The following SPATA20 variants were observed in gnomAD, a reference collection of about 807,000 sequenced individuals.
The protein encoded by SPATA20 is spermatogenesis associated 20, also known as spermatogenesis-associated protein 20.
In SPATA20, 74 loss-of-function variants were observed where a neutral mutation model predicts 98.9. The ratio of observed to expected loss-of-function variants is 0.75; its 90% confidence interval spans 0.62 to 0.91. The LOEUF (loss-of-function observed/expected upper bound fraction) is 0.91, where lower values mean the gene tolerates loss of function less well. SPATA20 is among the 40% of genes least tolerant of loss of function. The probability of loss-of-function intolerance (pLI) is 0.00; values close to 1 mark genes in which losing one functional copy is unlikely to be tolerated. For synonymous variants in SPATA20, 430 were observed against 440.5 expected, an observed-to-expected ratio of 0.98 and a Z score of 0.30; for missense variants, 1,016 against 1,069.8, an observed-to-expected ratio of 0.95 and a Z score of 0.70.
chr17:50,553,623 C>T (rs1004605106), intron 14 of SPATA20, among the ~76,000 whole-genome samples: 12 of 151,236 alleles, frequency 7.9e-5, no homozygotes, highest in Non-Finnish European at 1.3e-4. Flanking sequence ...AGGTGATCCT[C>T]CCGCCTCGGC....
In SPATA20 at chr17:50,551,609, A is replaced by T; in HGVS notation, c.1675A>T (p.Met559Leu). The stretch of plus-strand genomic sequence containing the variant: ...TGGTGCCAAGTTCCTGAAGCGGCAC[A>T]TGTTTGATGTGGCCAGTGGCCGCCT... ...TNGAKFLKRHMFDVASGRLMR... is the reference protein window; with the variant it reads ...TNGAKFLKRHLFDVASGRLMR... The change falls in exon 13 of 17, where the codon ATG becomes TTG. Residue 559 changes from methionine (M) to leucine (L), a missense_variant. Met to Leu is a conservative substitution (Grantham distance 15, BLOSUM62 2). Transcript: ENST00000006658. 6.2e-7 allele frequency: 1 copy of T among 1,607,102 alleles called. No homozygotes were observed. Among genetic ancestry groups the T allele is most frequent in the Non-Finnish European group, 8.5e-7 (1 of 1,174,492 alleles).
intron 14 of SPATA20, among the ~76,000 whole-genome samples, chr17:50,553,673 C>T (rs993072012): frequency 2.0e-5 from 3 of 151,930 alleles, no homozygotes; most frequent in African/African-American, 7.3e-5. Flanking sequence ...CCACCATGCC[C>T]GGCTGGCAAG....
In SPATA20 at chr17:50,555,290, A is replaced by ACT; in HGVS notation, c.2219_2220dup (p.Val741LeufsTer9). 6.2e-7 allele frequency: 1 copy of ACT among 1,613,712 alleles called. No individual in the cohort carries two copies. The highest frequency in any genetic ancestry group is 8.5e-7 in the Non-Finnish European group (1 of 1,179,874). ...ACCAAGGCCCTGGTGCAGTGCGTCC[A>ACT]CTCTGTCTACATTCCTAACAAGGTA... On this transcript the variant is annotated frameshift_variant, in exon 16 of 17. Coordinates refer to ENST00000006658, the MANE Select transcript of SPATA20 (RefSeq NM_022827.4). LOFTEE classifies it high-confidence loss of function.
intron 1 of SPATA20, 101 bp from the exon 2 acceptor site, chr17:50,547,619 G>A (rs1304152777): frequency 6.6e-6 from 5 of 761,502 alleles, no homozygotes; most frequent in East Asian, 2.5e-5. Context: ...AGTACCCTGT[G>A]CCCTGTCACA....
intron 15 of SPATA20, 62 bp downstream of exon 15, chr17:50,554,512 C>T (rs1008435639): frequency 1.3e-6 from 2 of 1,523,562 alleles, no homozygotes; most frequent in South Asian, 1.1e-5. Flanking sequence ...GCTGCGATGG[C>T]AGATGGGAAC....
At chr17:50,549,243 C>T in intron 6 of SPATA20, 43 bp from the exon 7 acceptor site, 1 of 1,599,912 alleles carries the variant, frequency 6.3e-7, no homozygotes, top group South Asian at 1.1e-5. Context: ...AACAAGAGCC[C>T]CTCCCCCTAG....
rs774992721 is a variant in SPATA20, at chr17:50,549,277, C to T, written c.661-9C>T. The stretch of plus-strand genomic sequence containing the variant: ...AGCTGACCTCCAGGTGTGCCCCCAC[C>T]TCCCGCAGTGGAAACAGAACAAGAA... On this transcript the variant is annotated splice_polypyrimidine_tract_variant and intron_variant, in intron 6 of 16. Coordinates refer to ENST00000006658, the MANE Select transcript of SPATA20 (RefSeq NM_022827.4). 1.2e-6 allele frequency: 2 copies of T among 1,608,062 alleles called. No individual in the cohort carries two copies. Among genetic ancestry groups the T allele is most frequent in the Non-Finnish European group, 1.7e-6 (2 of 1,176,090 alleles).
chr17:50,547,186 C>T lies in SPATA20; in HGVS notation c.-23C>T. 7.1e-7 allele frequency: 1 copy of T among 1,416,092 alleles called. No homozygotes were observed. The highest frequency in any genetic ancestry group is 9.1e-7 in the Non-Finnish European group (1 of 1,093,620). The allele number at this position is 1,416,092 out of a possible 1,614,324, so 87.7% of individuals were successfully genotyped here. ...GACTTCCCTTCCTGTCCTCAGCGGC[C>T]GGGCCCACGGCCCCGAGCAGCCATG... On this transcript the variant is annotated 5_prime_UTR_variant, in exon 1 of 17. Transcript: ENST00000006658.
chr17:50,550,854 C>T lies in SPATA20; in HGVS notation c.1320C>T (p.Thr440=), dbSNP rs1261283486. 14 of 1,613,108 alleles carry T rather than the reference C, an allele frequency of 8.7e-6. No homozygotes were observed. Among genetic ancestry groups the T allele is most frequent in the African/African-American group, 4.0e-5 (3 of 75,080 alleles). ...TGTTGGGTGCCACCGAGCCGCTGAC[C>T]TCAGGCCAGCTCCTCATGAAGCACT... is the stretch of plus-strand genomic sequence containing the variant. ...EPVLGATEPL[T]SGQLLMKHYG... Residue 440 remains threonine (T), a synonymous_variant, in exon 11 of 17, where the codon ACC becomes ACT. Coordinates refer to ENST00000006658, the MANE Select transcript of SPATA20 (RefSeq NM_022827.4).
At position 50,548,275 on chromosome 17, in the gene SPATA20, C is replaced by G; in HGVS notation, c.126-8C>G. 3 of 1,612,408 alleles carry G rather than the reference C, an allele frequency of 1.9e-6. No individual in the cohort carries two copies. Among genetic ancestry groups the G allele is most frequent in the Non-Finnish European group, 2.5e-6 (3 of 1,179,466 alleles). Reference sequence around the variant, plus strand: ...CCCTGGCTTGCCTGATGCACCAGTCCTCGCCAGGGGTAGCTCCTCCCGGGA... The same window carrying G: ...CCCTGGCTTGCCTGATGCACCAGTCGTCGCCAGGGGTAGCTCCTCCCGGGA... On this transcript the variant is annotated splice_polypyrimidine_tract_variant and splice_region_variant and intron_variant, in intron 2 of 16. Coordinates refer to ENST00000006658, the MANE Select transcript of SPATA20 (RefSeq NM_022827.4).
At chr17:50,555,200 A>ACT in intron 15 of SPATA20, 32 bp from the exon 16 acceptor site, 1 of 1,596,814 alleles carries the variant, frequency 6.3e-7, no homozygotes, top group Non-Finnish European at 8.6e-7. Context: ...CCCTCCCCTG[A>ACT]CACACCGGAG....
chr17:50,547,890 G>T (rs1435778368), intron 2 of SPATA20, 123 bp downstream of exon 2: 5 of 1,313,608 alleles, frequency 3.8e-6, no homozygotes, highest in Non-Finnish European at 5.4e-6. Flanking sequence ...CTTCCAGTGG[G>T]GCCACACCCA....
Position 50,551,022 on chromosome 17 carries a change from C to T in SPATA20, c.1408C>T (p.Gln470Ter). 1 of 1,613,402 alleles carries T rather than the reference C, an allele frequency of 6.2e-7. No individual in the cohort carries two copies. The highest frequency in any genetic ancestry group is 8.5e-7 in the Non-Finnish European group (1 of 1,180,008). ...SQDPKGELQG[Q>*]NVLTVRYSLE... Reference sequence around the variant, plus strand: ...GGACCCCAAGGGGGAGCTGCAGGGCCAGAATGTGCTGACCGTCCGGTACTC... The same window carrying T: ...GGACCCCAAGGGGGAGCTGCAGGGCTAGAATGTGCTGACCGTCCGGTACTC... Residue 470 changes from glutamine to a stop codon, truncating the protein, a stop_gained, in exon 12 of 17, where the codon CAG (glutamine) becomes TAG (stop). Transcript: ENST00000006658. LOFTEE classifies it high-confidence loss of function.
Position 50,550,927 on chromosome 17 carries a change from T to C in SPATA20, c.1383+10T>C. On this transcript the variant is annotated intron_variant, in intron 11 of 16. Transcript: ENST00000006658. ...CATCAGCCCCAGTCAGGTGAGGACT[T>C]CTGGGGTCACCTGACGGGCCCTGGT... The C allele has an allele frequency of 1.2e-6, 2 of 1,612,298 alleles. No individual in the cohort carries two copies. The highest frequency in any genetic ancestry group is 1.6e-4 in the Middle Eastern group (1 of 6,062).
chr17:50,551,728 AGCCTACCTCTGCCCTACTTC>A (rs2035019859), intron 13 of SPATA20, 49 bp downstream of exon 13: 1 of 1,549,166 alleles, frequency 6.5e-7, no homozygotes, highest in Admixed American at 1.8e-5. Context: ...ACGCGTCCCC[AGCCTACCTCTGCCCTACTTC>A]TCCCCTCCAT....
rs370202267 is a variant in SPATA20, at chr17:50,548,259, G to C, written c.126-24G>C. ...GAAGGTGGGTGGAGGCCCCTGGCTT[G>C]CCTGATGCACCAGTCCTCGCCAGGG... On this transcript the variant is annotated intron_variant, in intron 2 of 16. Coordinates refer to ENST00000006658, the MANE Select transcript of SPATA20 (RefSeq NM_022827.4). 1.1e-5 allele frequency: 17 copies of C among 1,609,896 alleles called. No individual in the cohort carries two copies. The African/African-American group carries it at 2.1e-4, about 20-fold the overall frequency.
intron 14 of SPATA20, among the ~76,000 whole-genome samples, chr17:50,553,311 C>T (rs1597873023): frequency 6.6e-6 from 1 of 152,302 alleles, no homozygotes; most frequent in East Asian, 1.9e-4. Context: ...TGGGAGAGAA[C>T]CACAGAGGAG....
intron 1 of SPATA20, 80 bp downstream of exon 1, chr17:50,547,365 C>T: frequency 8.1e-7 from 1 of 1,231,082 alleles, no homozygotes; most frequent in South Asian, 1.6e-5. Flanking sequence ...GGACACCGGT[C>T]CCCAGTGCCA....
rs2034954195 is a variant in SPATA20, at chr17:50,548,575, C to G, written c.318C>G (p.Ala106=). Residue 106 remains alanine, a synonymous_variant, in exon 4 of 17, where the codon GCC becomes GCG. Transcript: ENST00000006658. Reference sequence around the variant, plus strand: ...CTAGGTACCCCTGGGGACAGGAAGCCTTCGACAAGGCCAGGAAGGAAAACA... The same window carrying G: ...CTAGGTACCCCTGGGGACAGGAAGCGTTCGACAAGGCCAGGAAGGAAAACA... ...PVDWYPWGQE[A]FDKARKENKP... 6.2e-7 allele frequency: 1 copy of G among 1,613,676 alleles called. No individual in the cohort carries two copies.
Sources: allele counts gnomAD v4.1 joint callset (sites outside exome capture counted in the v4.1 genomes callset), GRCh38; gene constraint gnomAD v4.1.1; transcripts MANE v1.5; gene names NCBI Gene and HGNC (gene_info 2026-07-23, HGNC 2026-07-21).